Variants in CYTH1 observed in about 807,000 individuals in gnomAD.
CYTH1 encodes the protein cytohesin 1, also known as cytohesin-1.
A neutral mutation model predicts 61.8 loss-of-function variants in CYTH1; 18 were observed. The observed-to-expected ratio is 0.29, with a 90% CI of 0.20 to 0.43. The LOEUF is 0.43. Among genes scored for constraint, CYTH1 ranks in the 20% least tolerant of loss-of-function variants. The pLI, the probability that CYTH1 is intolerant of heterozygous loss-of-function variation, is 1.00. For synonymous variants in CYTH1, 174 were observed against 184.3 expected (o/e 0.94, Z 0.45); for missense variants, 336 against 510.5 (o/e 0.66, Z 3.29).
chr17:78,774,745 G>T (rs1158053022), intron 1 of CYTH1, among the ~76,000 whole-genome samples: 1 of 152,052 alleles, frequency 6.6e-6, no homozygotes, highest in African/African-American at 2.4e-5. Context: ...GGTCTCCATG[G>T]TACAGCATGA....
chr17:78,779,400 C>CAAAA (rs56061178), intron 1 of CYTH1, among the ~76,000 whole-genome samples: 67 of 84,010 alleles, frequency 8.0e-4, no homozygotes, highest in Non-Finnish European at 1.2e-3. Flanking sequence ...AACTCCATCT[C>CAAAA]AAAAAAAAAA....
At chr17:78,726,068 G>A (rs898190625) in intron 1 of CYTH1, among the ~76,000 whole-genome samples, 3 of 146,268 alleles carry the variant, frequency 2.1e-5, no homozygotes, top group Admixed American at 2.0e-4. Context: ...TTTTGAGACG[G>A]TGTCTTGCTC....
chr17:78,711,304 T>TAAATA (rs1567852045), intron 1 of CYTH1, among the ~76,000 whole-genome samples: 1,148 of 54,676 alleles, frequency 0.021, 17 homozygotes, highest in African/African-American at 0.046. Flanking sequence ...AAATAAATAA[T>TAAATA]ATATATATAT....
chr17:78,727,874 A>T (rs904264667), intron 1 of CYTH1: 1 of 355,764 alleles, frequency 2.8e-6, no homozygotes, highest in African/African-American at 2.1e-5. Flanking sequence ...GCAGCCAAGG[A>T]GAGCAGTGAG....
chr17:78,702,806 C>T (rs1411320547), intron 3 of CYTH1, among the ~76,000 whole-genome samples: 2 of 152,194 alleles, frequency 1.3e-5, no homozygotes, highest in Non-Finnish European at 2.9e-5. Context: ...TTTGCTCCTT[C>T]TACCCTGGAA....
rs1455772125 is a variant in CYTH1 at position 78,760,508 on chromosome 17, T to C, written c.22+21694A>G. On this transcript the variant is annotated intron_variant, in intron 1 of 13. Coordinates refer to ENST00000446868, the MANE Select transcript of CYTH1 (RefSeq NM_004762.6). Reference sequence around the variant, plus strand: ...ATGTATATATATATACATATATATGTATATATATGTATATATATATATACA... The same window carrying C: ...ATGTATATATATATACATATATATGCATATATATGTATATATATATATACA... Among the ~76,000 whole-genome samples, 183 of 46,922 alleles carry C rather than the reference T, an allele frequency of 3.9e-3. 24 individuals are homozygous for C. Among genetic ancestry groups the C allele is most frequent in the African/African-American group, 0.018 (165 of 9,428 alleles). 30.8% of individuals were successfully genotyped at this position (46,922 alleles called of 152,430 possible).
At chr17:78,731,521 A>G (rs919248539) in intron 1 of CYTH1, among the ~76,000 whole-genome samples, 2 of 152,156 alleles carry the variant, frequency 1.3e-5, no homozygotes, top group African/African-American at 4.8e-5. Context: ...GCACTTTGGG[A>G]GGCCGAGGTG....
chr17:78,717,263 G>A lies in CYTH1; in HGVS notation c.23-7531C>T, dbSNP rs190922836. On this transcript the variant is annotated intron_variant, in intron 1 of 13. Coordinates refer to ENST00000446868, the MANE Select transcript of CYTH1 (RefSeq NM_004762.6). This position sits in a 1 kb window ranked among gnomAD's most constrained non-coding sequence, Gnocchi z 4.4. ...AGCCGCCCTGACACACCACCCGGTC[G>A]CTCGCCCTCCTCGCCCATTGCCAGA... Among the ~76,000 whole-genome samples the A allele has an allele frequency of 9.9e-5, 15 of 152,246 alleles. No homozygotes were observed. Among genetic ancestry groups the A allele is most frequent in the Admixed American group, 6.5e-4 (10 of 15,300 alleles).
intron 6 of CYTH1, among the ~76,000 whole-genome samples, 194 bp downstream of exon 6, chr17:78,701,477 A>G (rs567065506): frequency 6.6e-6 from 1 of 152,352 alleles, no homozygotes; most frequent in Non-Finnish European, 1.5e-5. Context: ...TCCAGAACGT[A>G]ACAGAATTGA....
intron 13 of CYTH1, among the ~76,000 whole-genome samples, chr17:78,679,540 C>A (rs1003793038): frequency 1.3e-5 from 2 of 152,236 alleles, no homozygotes; most frequent in African/African-American, 4.8e-5. Context: ...GAGAAGCCAA[C>A]TGACTTTAGA....
At chr17:78,680,922 A>C (rs757650337) in intron 12 of CYTH1, 49 bp downstream of exon 12, 1 of 1,576,686 alleles carries the variant, frequency 6.3e-7, no homozygotes, top group African/African-American at 1.4e-5. Flanking sequence ...AAATCTTTGA[A>C]ATGCCCATCC....
chr17:78,771,089 C>T lies in CYTH1; in HGVS notation c.22+11113G>A, dbSNP rs547631803. On this transcript the variant is annotated intron_variant, in intron 1 of 13. Transcript: ENST00000446868. ...ACCAGCCTGCCCAACATGGCAAAAT[C>T]CCATCTCTACTAAAAATACAAAAAT... Among the ~76,000 whole-genome samples the T allele has an allele frequency of 1.6e-3, 240 of 151,938 alleles. 1 individual carries two copies. The highest frequency in any genetic ancestry group is 5.6e-3 in the African/African-American group (231 of 41,470).
intron 3 of CYTH1, among the ~76,000 whole-genome samples, chr17:78,706,352 A>G (rs1001702506): frequency 1.4e-5 from 2 of 143,444 alleles, no homozygotes; most frequent in Admixed American, 7.2e-5. Flanking sequence ...CGGCTAGCAC[A>G]CTAGCACAGC....
At chr17:78,712,131 A>G (rs2093139461) in intron 1 of CYTH1, among the ~76,000 whole-genome samples, 1 of 98,704 alleles carries the variant, frequency 1.0e-5, no homozygotes, top group African/African-American at 4.1e-5. Context: ...GAAGGGAGGG[A>G]GGAAGGAAGG....
chr17:78,756,192 C>T (rs1424597610), intron 1 of CYTH1, among the ~76,000 whole-genome samples: 1 of 151,382 alleles, frequency 6.6e-6, no homozygotes, highest in African/African-American at 2.4e-5. Context: ...TCTTGTGCCA[C>T]GGCCACTCTA....
intron 1 of CYTH1, among the ~76,000 whole-genome samples, chr17:78,713,334 C>T (rs1160044152): frequency 6.6e-6 from 1 of 152,106 alleles, no homozygotes; most frequent in Non-Finnish European, 1.5e-5. Context: ...GATACATATT[C>T]ATTCCAATAT....
chr17:78,735,824 G>A (rs2093317749), intron 1 of CYTH1, among the ~76,000 whole-genome samples: 1 of 152,122 alleles, frequency 6.6e-6, no homozygotes, highest in Non-Finnish European at 1.5e-5. Context: ...ATTTTGTCTT[G>A]CAGCATTACA....
chr17:78,760,547 A>G lies in CYTH1; in HGVS notation c.22+21655T>C, dbSNP rs868586255. ...TATATATATACATACATATATATGT[A>G]TATATATATGTATATATATATACAC... On this transcript the variant is annotated intron_variant, in intron 1 of 13. Coordinates refer to ENST00000446868, the MANE Select transcript of CYTH1 (RefSeq NM_004762.6). Among the ~76,000 whole-genome samples the G allele has an allele frequency of 8.2e-4, 35 of 42,838 alleles. 2 individuals are homozygous for G. The highest frequency in any genetic ancestry group is 3.3e-3 in the East Asian group (5 of 1,506). 28.1% of individuals were successfully genotyped at this position (42,838 alleles called of 152,430 possible).
chr17:78,684,031 T>G (rs1208947190), intron 11 of CYTH1, among the ~76,000 whole-genome samples: 1 of 152,152 alleles, frequency 6.6e-6, no homozygotes, highest in African/African-American at 2.4e-5. Context: ...TGCACATTCT[T>G]GATGGAATAT....
Sources: allele counts gnomAD v4.1 joint callset (sites outside exome capture counted in the v4.1 genomes callset), GRCh38; gene constraint gnomAD v4.1.1; non-coding constraint Gnocchi (gnomAD v3.1); transcripts MANE v1.5; gene names NCBI Gene and HGNC (gene_info 2026-07-23, HGNC 2026-07-21).